The following IGF2BP1 variants were observed in gnomAD, a reference collection of about 807,000 sequenced individuals.
IGF2BP1 encodes insulin like growth factor 2 mRNA binding protein 1.
IGF2BP1 carries 11 observed loss-of-function variants against 74.9 expected under a neutral mutation model. That is an observed-to-expected ratio of 0.15 (90% confidence interval 0.09 to 0.24). The LOEUF (loss-of-function observed/expected upper bound fraction) is 0.24, where lower values mean the gene tolerates loss of function less well. IGF2BP1 is among the 10% of genes least tolerant of loss of function. The pLI, the probability that IGF2BP1 is intolerant of heterozygous loss-of-function variation, is 1.00. For missense variants in IGF2BP1, 440 were observed against 757.4 expected (o/e 0.58, Z 4.92); for synonymous variants, 287 against 281.8 (o/e 1.02, Z -0.18).
intron 7 of IGF2BP1, 42 bp downstream of exon 7, chr17:49,040,133 C>T (rs1447678980): frequency 3.1e-6 from 5 of 1,605,786 alleles, no homozygotes; most frequent in Admixed American, 1.7e-5. Context: ...GTCTGCTAGT[C>T]CAGTTGAGCC....
At chr17:49,037,898 C>A (rs1478628769) in intron 5 of IGF2BP1, among the ~76,000 whole-genome samples, 1 of 152,200 alleles carries the variant, frequency 6.6e-6, no homozygotes, top group African/African-American at 2.4e-5. Flanking sequence ...AAGCCCATTT[C>A]TCTGATGGTT....
chr17:49,041,646 G>A, intron 8 of IGF2BP1, 146 bp downstream of exon 8: 4 of 1,138,698 alleles, frequency 3.5e-6, no homozygotes, highest in Non-Finnish European at 5.0e-6. Flanking sequence ...GTGGTAAAGA[G>A]CATTTAAAAA....
chr17:49,038,143 C>T, intron 5 of IGF2BP1, 25 bp from the exon 6 acceptor site: 3 of 1,470,116 alleles, frequency 2.0e-6, no homozygotes, highest in Non-Finnish European at 2.7e-6. Context: ...TTGGAATGAC[C>T]TGTAGACTCT....
intron 2 of IGF2BP1, among the ~76,000 whole-genome samples, chr17:49,025,314 G>GT (rs1038690092): frequency 3.4e-3 from 8 of 2,368 alleles, no homozygotes; most frequent in Non-Finnish European, 7.6e-3. Context: ...GACAAACAAA[G>GT]TGTGTGTGTG....
At chr17:49,027,196 T>G (rs2041868698) in intron 4 of IGF2BP1, among the ~76,000 whole-genome samples, 2 of 152,174 alleles carry the variant, frequency 1.3e-5, no homozygotes. Context: ...TCTCTTCTGT[T>G]TAGCAGGAGG....
At chr17:49,037,829 A>G (rs569899286) in intron 5 of IGF2BP1, among the ~76,000 whole-genome samples, 1 of 152,212 alleles carries the variant, frequency 6.6e-6, no homozygotes, top group South Asian at 2.1e-4. Context: ...GTACTTTGAG[A>G]TCTATGGCTT....
intron 2 of IGF2BP1, chr17:49,014,741 C>T (rs2041671648): frequency 1.0e-6 from 1 of 983,770 alleles, no homozygotes; most frequent in Non-Finnish European, 1.2e-6. Context: ...CAGACGCTTG[C>T]GGGGCTGGTG....
chr17:49,039,031 C>T (rs1160321625), intron 6 of IGF2BP1, among the ~76,000 whole-genome samples: 1 of 151,976 alleles, frequency 6.6e-6, no homozygotes, highest in Admixed American at 6.6e-5. Context: ...GCGCGTGCCA[C>T]CATGCCCAGC....
At chr17:49,046,687 C>T (rs1276931315) in intron 14 of IGF2BP1, among the ~76,000 whole-genome samples, 9 of 150,530 alleles carry the variant, frequency 6.0e-5, no homozygotes, top group Middle Eastern at 3.5e-3. Flanking sequence ...ATATGTTCTA[C>T]GTTAGTCCCT....
intron 7 of IGF2BP1, among the ~76,000 whole-genome samples, chr17:49,040,486 G>A (rs1245732049): frequency 1.3e-5 from 2 of 152,164 alleles, no homozygotes; most frequent in East Asian, 3.9e-4. Flanking sequence ...CAAAGAGCTG[G>A]GATTACAGGC....
At chr17:49,040,794 A>G (rs754312999) in intron 7 of IGF2BP1, among the ~76,000 whole-genome samples, 15 of 152,242 alleles carry the variant, frequency 9.9e-5, no homozygotes, top group Non-Finnish European at 1.6e-4. Flanking sequence ...TAGTTCATGT[A>G]ATCAATCTCC....
At chr17:49,044,213 C>A (rs921989162) in intron 11 of IGF2BP1, 127 bp downstream of exon 11, 44 of 1,321,942 alleles carry the variant, frequency 3.3e-5, no homozygotes, top group Non-Finnish European at 4.4e-5. Flanking sequence ...GGACCTTTCC[C>A]CCATGGAATC....
chr17:49,007,484 A>G (rs2041563818), intron 2 of IGF2BP1, among the ~76,000 whole-genome samples: 1 of 152,224 alleles, frequency 6.6e-6, no homozygotes, highest in African/African-American at 2.4e-5. Context: ...CAGCCCTCGG[A>G]ATAAGGGTTG....
chr17:49,041,648 AT>A, intron 8 of IGF2BP1, 148 bp downstream of exon 8: 1 of 1,110,264 alleles, frequency 9.0e-7, no homozygotes, highest in Non-Finnish European at 1.3e-6. Context: ...GGTAAAGAGC[AT>A]TTAAAAAATC....
intron 2 of IGF2BP1, among the ~76,000 whole-genome samples, chr17:49,006,724 G>T (rs918736841): frequency 6.6e-6 from 1 of 152,186 alleles, no homozygotes; most frequent in African/African-American, 2.4e-5. Flanking sequence ...TGATGGCTAG[G>T]CATGTTGAAG....
chr17:49,027,853 G>GAAA (rs777784396), intron 4 of IGF2BP1, among the ~76,000 whole-genome samples: 11 of 42,880 alleles, frequency 2.6e-4, no homozygotes, highest in South Asian at 1.6e-3. Context: ...CTCTGTCTCA[G>GAAA]AAAAAAAAAA....
intron 7 of IGF2BP1, among the ~76,000 whole-genome samples, chr17:49,041,039 C>T (rs1048130075): frequency 6.6e-6 from 1 of 152,004 alleles, no homozygotes; most frequent in Non-Finnish European, 1.5e-5. Context: ...ATCAGCTGGA[C>T]GTGGCGGCCT....
chr17:49,046,752 AATG>A (rs561867798), intron 14 of IGF2BP1, among the ~76,000 whole-genome samples: 3 of 152,096 alleles, frequency 2.0e-5, no homozygotes, highest in African/African-American at 7.2e-5. Context: ...TTCATGGAAT[AATG>A]ATAACAGTAC....
rs764113447 is a variant in IGF2BP1 at position 49,043,535 on chromosome 17, C to G, written c.1185C>G (p.Pro395=). ...CCAGCAGCGTTACTGGGGCTGCTCC[C>G]TATAGCTCCTTTATGGTAGGTGGAA... The part of the protein sequence containing the change: ...PPPSSVTGAA[P]YSSFMQAPEQ... Residue 395 remains proline (P), a synonymous_variant, in exon 10 of 15, where the codon CCC becomes CCG. Coordinates refer to ENST00000290341, the MANE Select transcript of IGF2BP1 (RefSeq NM_006546.4). The G allele has an allele frequency of 6.8e-6, 11 of 1,614,090 alleles. No individual in the cohort carries two copies. In the South Asian group the frequency reaches 1.2e-4, roughly 18 times the overall value.
Sources: gnomAD v4.1 joint callset for allele counts (sites outside exome capture counted in the v4.1 genomes callset) on GRCh38, gnomAD v4.1.1 for gene constraint, MANE v1.5 for transcripts, NCBI Gene and HGNC (gene_info 2026-07-23, HGNC 2026-07-21) for gene names.